Variants in TTC7B observed in about 807,000 individuals in gnomAD.
TTC7B encodes tetratricopeptide repeat protein 7B.
In TTC7B, 28 loss-of-function variants were observed where a neutral mutation model predicts 106.8. The ratio of observed to expected loss-of-function variants is 0.26; its 90% confidence interval spans 0.19 to 0.36. The LOEUF is 0.36. Ranked by LOEUF, TTC7B falls within the 10% of genes least tolerant of loss-of-function variation. The pLI, the probability that TTC7B is intolerant of heterozygous loss-of-function variation, is 1.00. For synonymous variants in TTC7B, 405 were observed against 430.6 expected (o/e 0.94, Z 0.74); for missense variants, 862 against 1,076.4 (o/e 0.80, Z 2.79).
At chr14:90,761,411 C>A (rs537392687) in intron 3 of TTC7B, among the ~76,000 whole-genome samples, 10 of 152,368 alleles carry the variant, frequency 6.6e-5, no homozygotes, top group Non-Finnish European at 1.2e-4. Flanking sequence ...GTGGCCCCAC[C>A]CAGAAGCAGA....
At chr14:90,767,476 A>C (rs1000815209) in intron 3 of TTC7B, among the ~76,000 whole-genome samples, 5 of 152,162 alleles carry the variant, frequency 3.3e-5, no homozygotes, top group African/African-American at 1.2e-4. Flanking sequence ...GTGAGTGATT[A>C]ATGCCATTAT....
chr14:90,785,909 G>A (rs563549161), intron 2 of TTC7B, among the ~76,000 whole-genome samples: 13 of 152,276 alleles, frequency 8.5e-5, no homozygotes, highest in South Asian at 2.1e-4. Flanking sequence ...TAGTTCAAGC[G>A]TCTGAGAGAT....
intron 19 of TTC7B, among the ~76,000 whole-genome samples, chr14:90,554,948 A>G (rs1315563696): frequency 6.6e-6 from 1 of 152,166 alleles, no homozygotes; most frequent in Non-Finnish European, 1.5e-5. Flanking sequence ...GATGTGGCGC[A>G]GGCTCCTAGC....
At chr14:90,594,695 T>G (rs943704828) in intron 17 of TTC7B, among the ~76,000 whole-genome samples, 2 of 152,190 alleles carry the variant, frequency 1.3e-5, no homozygotes, top group Non-Finnish European at 2.9e-5. Flanking sequence ...AAAATAGTAA[T>G]AATCTATAAA....
rs1890348055 is a variant in TTC7B at position 90,757,667 on chromosome 14, A to G, written c.446-12745T>C. Among the ~76,000 whole-genome samples the G allele has an allele frequency of 6.6e-6, 1 of 152,132 alleles. No homozygotes were observed. Among genetic ancestry groups the G allele is most frequent in the Admixed American group, 6.5e-5 (1 of 15,276 alleles). On this transcript the variant is annotated intron_variant, in intron 3 of 19. Transcript: ENST00000328459. The surrounding 1 kb of genome is among the most constrained non-coding windows in gnomAD (Gnocchi z 4.1). ...CTGGAGACTTTTTCTGCCGGGGAAA[A>G]GGCAATGTCAGTGGTCACTTGTCTG...
chr14:90,545,776 A>G (rs1423529465), intron 19 of TTC7B, among the ~76,000 whole-genome samples: 2 of 152,168 alleles, frequency 1.3e-5, no homozygotes, highest in Non-Finnish European at 2.9e-5. Context: ...ACTGCCCTCA[A>G]AAGTCCTGCA....
intron 4 of TTC7B, among the ~76,000 whole-genome samples, chr14:90,735,068 A>G (rs1007934236): frequency 2.0e-5 from 3 of 152,126 alleles, no homozygotes; most frequent in African/African-American, 7.2e-5. Flanking sequence ...ACAGGTGTGA[A>G]CCACTTAAGG....
intron 18 of TTC7B, among the ~76,000 whole-genome samples, chr14:90,589,258 A>C (rs1388330100): frequency 1.3e-5 from 2 of 152,238 alleles, no homozygotes; most frequent in East Asian, 3.8e-4. Flanking sequence ...TACAGATAAA[A>C]AAAAATACAC....
chr14:90,645,239 C>T (rs934122876), intron 14 of TTC7B: 3 of 152,236 alleles, frequency 2.0e-5, no homozygotes, highest in African/African-American at 7.2e-5. Context: ...TTTCCCAAAC[C>T]AATTACTTTT....
At chr14:90,801,927 G>C (rs918646079) in intron 1 of TTC7B, among the ~76,000 whole-genome samples, 1 of 152,124 alleles carries the variant, frequency 6.6e-6, no homozygotes, top group African/African-American at 2.4e-5. Context: ...CAGGTATGGT[G>C]GTGGGTGCCT....
chr14:90,762,770 T>C (rs1267462483), intron 3 of TTC7B, among the ~76,000 whole-genome samples: 1 of 152,330 alleles, frequency 6.6e-6, no homozygotes, highest in East Asian at 1.9e-4. Flanking sequence ...GATAACTACT[T>C]TTGGATCAGG....
chr14:90,806,187 C>T (rs1472751281), intron 1 of TTC7B, among the ~76,000 whole-genome samples: 1 of 152,236 alleles, frequency 6.6e-6, no homozygotes, highest in Admixed American at 6.5e-5. Context: ...CTAGTGGTCA[C>T]ATTCCTGTCT....
chr14:90,694,138 G>A (rs566524636), intron 6 of TTC7B, among the ~76,000 whole-genome samples: 123 of 152,262 alleles, frequency 8.1e-4, no homozygotes, highest in African/African-American at 2.8e-3. Flanking sequence ...GTGGTGATGC[G>A]CACCTGTAGT....
intron 4 of TTC7B, among the ~76,000 whole-genome samples, chr14:90,743,333 A>G (rs74805851): frequency 0.046 from 6,945 of 152,248 alleles, 189 homozygotes; most frequent in Non-Finnish European, 0.058. Flanking sequence ...TCTGATGCAT[A>G]TCATATGCAC....
At chr14:90,699,582 A>G (rs189241195) in intron 5 of TTC7B, among the ~76,000 whole-genome samples, 2 of 152,342 alleles carry the variant, frequency 1.3e-5, no homozygotes, top group African/African-American at 4.8e-5. Context: ...GGTAATGAGG[A>G]AAAGGAGGCC....
At chr14:90,635,085 T>A (rs1884874424) in intron 15 of TTC7B, among the ~76,000 whole-genome samples, 1 of 152,146 alleles carries the variant, frequency 6.6e-6, no homozygotes, top group Non-Finnish European at 1.5e-5. Flanking sequence ...GAGTCAACTA[T>A]TTGTGAGAAA....
intron 3 of TTC7B, chr14:90,766,810 A>C (rs1890696680): frequency 6.3e-7 from 1 of 1,586,986 alleles, no homozygotes; most frequent in Non-Finnish European, 8.6e-7. Context: ...AAAGGATGGA[A>C]AATATAGCCA....
intron 19 of TTC7B, among the ~76,000 whole-genome samples, chr14:90,550,669 C>T (rs1334132701): frequency 6.6e-6 from 1 of 152,132 alleles, no homozygotes; most frequent in African/African-American, 2.4e-5. Context: ...GGAGGGGGGG[C>T]CCTTCCGTGA....
intron 7 of TTC7B, among the ~76,000 whole-genome samples, chr14:90,685,232 T>C (rs1887210827): frequency 6.6e-6 from 1 of 152,180 alleles, no homozygotes; most frequent in South Asian, 2.1e-4. Flanking sequence ...TAAGAGACTG[T>C]GGAGAAGGAG....
Sources: gnomAD v4.1 joint callset for allele counts (sites outside exome capture counted in the v4.1 genomes callset) on GRCh38, gnomAD v4.1.1 for gene constraint, Gnocchi (gnomAD v3.1) non-coding constraint, MANE v1.5 for transcripts, NCBI Gene and HGNC (gene_info 2026-07-23, HGNC 2026-07-21) for gene names.